C3orf49: variants seen among roughly 807,000 people sequenced by gnomAD.
The protein encoded by C3orf49 is chromosome 3 open reading frame 49.
In C3orf49, 27 loss-of-function variants were observed where a neutral mutation model predicts 13.3. The ratio of observed to expected loss-of-function variants is 2.02; its 90% CI spans 1.49 to 2.79. C3orf49 has a LOEUF of 2.79. C3orf49 is among the 30% of genes most tolerant of loss of function. C3orf49 has a pLI of 0.00. For missense variants in C3orf49, 242 were observed against 134.2 expected (o/e 1.80, Z -3.97); for synonymous variants, 87 against 47.6 (o/e 1.83, Z -3.40).
chr3:63,836,238 C>G (rs2637982), intron 5 of C3orf49: 1,480,920 of 1,482,364 alleles, frequency 1, 739,743 homozygotes, highest in East Asian at 1. Context: ...GAAATGCCTA[C>G]GGTAGTTTTC....
rs537467787 is a variant in C3orf49, at chr3:63,836,045, A to G, written c.849+4201A>G. Among the ~76,000 whole-genome samples, 131 of 152,162 alleles carry G rather than the reference A, an allele frequency of 8.6e-4. 3 individuals carry two copies. The South Asian group carries it at 0.025, about 29-fold the overall frequency. Reference sequence around the variant, plus strand: ...TTATTCTTTTTAACTGAAATTCAATATTTTAATATATGAAGACCATATTCT... The same window carrying G: ...TTATTCTTTTTAACTGAAATTCAATGTTTTAATATATGAAGACCATATTCT... On this transcript the variant is annotated intron_variant, in intron 5 of 6. Transcript: ENST00000295896.
chr3:63,809,548 G>C, the C3orf49 span, among the ~76,000 whole-genome samples: 79,653 of 151,930 alleles, frequency 0.52, 21,423 homozygotes, highest in South Asian at 0.63. Flanking sequence ...TCCTCTAAGA[G>C]CTTCTCGTCT....
At chr3:63,815,619 G>GT (rs2107085654), upstream of C3orf49, among the ~76,000 whole-genome samples, 1 of 152,214 alleles carries the variant, frequency 6.6e-6, no homozygotes, top group African/African-American at 2.4e-5. Context: ...TCTCAGCATA[G>GT]TTTGTCTCTT....
chr3:63,802,237 T>C, the C3orf49 span, among the ~76,000 whole-genome samples: 1 of 152,222 alleles, frequency 6.6e-6, no homozygotes, highest in Non-Finnish European at 1.5e-5. Context: ...CTGCAGAGAC[T>C]AGCTTGGTGT....
At chr3:63,804,414 T>A in the C3orf49 span, among the ~76,000 whole-genome samples, 1 of 152,142 alleles carries the variant, frequency 6.6e-6, no homozygotes, top group African/African-American at 2.4e-5. Context: ...ATCTCCCACG[T>A]GCTTTCTCTT....
At chr3:63,797,310 G>T in the C3orf49 span, among the ~76,000 whole-genome samples, 5 of 151,950 alleles carry the variant, frequency 3.3e-5, no homozygotes, top group South Asian at 1.0e-3. Flanking sequence ...ATAAAATCTG[G>T]TAGATGAGTC....
At chr3:63,805,989 G>T in the C3orf49 span, among the ~76,000 whole-genome samples, 1 of 152,130 alleles carries the variant, frequency 6.6e-6, no homozygotes, top group Non-Finnish European at 1.5e-5. Flanking sequence ...CAGCTGCGCA[G>T]TGCCCCGCCC....
chr3:63,788,728 TAA>T, the C3orf49 span, among the ~76,000 whole-genome samples: 1 of 139,824 alleles, frequency 7.2e-6, no homozygotes, highest in African/African-American at 2.6e-5. Flanking sequence ...TATTACAATT[TAA>T]AAAAAAAAAA....
At chr3:63,834,229 A>C (rs1701580192) in intron 5 of C3orf49, 1 of 1,609,508 alleles carries the variant, frequency 6.2e-7, no homozygotes, top group African/African-American at 1.3e-5. Context: ...ATAAAACCTT[A>C]GTCAAGTTTG....
At chr3:63,822,197 G>C (rs907227159) in intron 1 of C3orf49, among the ~76,000 whole-genome samples, 1 of 152,056 alleles carries the variant, frequency 6.6e-6, no homozygotes, top group Non-Finnish European at 1.5e-5. Flanking sequence ...GGATGGTCTC[G>C]ATCTCCTGAC....
chr3:63,839,473 A>G (rs146483827), intron 5 of C3orf49, among the ~76,000 whole-genome samples: 193 of 152,300 alleles, frequency 1.3e-3, no homozygotes, highest in African/African-American at 4.3e-3. Flanking sequence ...CCATGTTTTA[A>G]TAAACATATG....
the C3orf49 span, chr3:63,787,285 A>C: frequency 1.3e-5 from 2 of 152,216 alleles, no homozygotes; most frequent in African/African-American, 4.8e-5. Context: ...TTTACGTCAA[A>C]CACGGGAATA....
intron 6 of C3orf49, among the ~76,000 whole-genome samples, chr3:63,846,608 C>A (rs1161625520): frequency 6.6e-6 from 1 of 152,040 alleles, no homozygotes; most frequent in Non-Finnish European, 1.5e-5. Context: ...CGTGGTTTTA[C>A]CATGTTGGCC....
the C3orf49 span, chr3:63,780,025 A>AGT: frequency 1.3e-5 from 2 of 152,156 alleles, no homozygotes; most frequent in Non-Finnish European, 2.9e-5. Flanking sequence ...GTTTTAGGGT[A>AGT]CATGTGCACA....
chr3:63,807,434 T>C, the C3orf49 span, among the ~76,000 whole-genome samples: 2 of 152,186 alleles, frequency 1.3e-5, no homozygotes, highest in South Asian at 4.1e-4. Context: ...TTTTATGTTA[T>C]ACAGCTAATC....
chr3:63,837,645 T>C (rs1701661629), intron 5 of C3orf49, among the ~76,000 whole-genome samples: 1 of 151,918 alleles, frequency 6.6e-6, no homozygotes, highest in Non-Finnish European at 1.5e-5. Flanking sequence ...TTTATGTAAA[T>C]TGCCTCTGCT....
the C3orf49 span, among the ~76,000 whole-genome samples, chr3:63,782,193 T>G: frequency 6.6e-6 from 1 of 152,202 alleles, no homozygotes; most frequent in Non-Finnish European, 1.5e-5. Context: ...CATATTGCAC[T>G]AACACTTTAT....
chr3:63,802,550 G>A, the C3orf49 span, among the ~76,000 whole-genome samples: 1 of 152,124 alleles, frequency 6.6e-6, no homozygotes, highest in African/African-American at 2.4e-5. Context: ...ATACAGTTAT[G>A]ATTATGTGGC....
chr3:63,794,798 G>A, the C3orf49 span, among the ~76,000 whole-genome samples: 3 of 151,994 alleles, frequency 2.0e-5, no homozygotes, highest in South Asian at 2.1e-4. Flanking sequence ...GAAATACATC[G>A]TCCTGAGGCA....
Sources: gnomAD v4.1 joint callset for allele counts (sites outside exome capture counted in the v4.1 genomes callset) on GRCh38, gnomAD v4.1.1 for gene constraint, MANE v1.5 for transcripts, NCBI Gene and HGNC (gene_info 2026-07-23, HGNC 2026-07-21) for gene names.